Variants in RHPN2 observed in about 807,000 individuals in gnomAD.
The protein encoded by RHPN2 is rhophilin Rho GTPase binding protein 2.
A neutral mutation model predicts 79.0 loss-of-function variants in RHPN2; 40 were observed. The observed-to-expected ratio is 0.51, with a 90% CI of 0.39 to 0.66. The LOEUF (loss-of-function observed/expected upper bound fraction) is 0.66. RHPN2 is among the 30% of genes least tolerant of loss of function. The probability of loss-of-function intolerance (pLI) is 0.00; values close to 1 mark genes in which losing one functional copy is unlikely to be tolerated. For missense variants in RHPN2, 686 were observed against 883.5 expected, an observed-to-expected ratio of 0.78 and a Z score of 2.83; for synonymous variants, 285 against 363.5, an observed-to-expected ratio of 0.78 and a Z score of 2.46.
At chr19:32,983,410 G>A (rs1240343425) in intron 14 of RHPN2, among the ~76,000 whole-genome samples, 2 of 151,826 alleles carry the variant, frequency 1.3e-5, no homozygotes, top group Non-Finnish European at 2.9e-5. Context: ...TACTTGGGAG[G>A]CTGAGGCAGG....
intron 2 of RHPN2, 112 bp downstream of exon 2, chr19:33,044,137 A>C: frequency 1.3e-6 from 1 of 751,986 alleles, no homozygotes; most frequent in African/African-American, 1.8e-5. Context: ...GGACGACTCC[A>C]GATGCCAGAA....
chr19:33,054,284 C>A (rs1032697144), intron 1 of RHPN2, among the ~76,000 whole-genome samples: 5 of 150,808 alleles, frequency 3.3e-5, no homozygotes, highest in Non-Finnish European at 7.4e-5. Flanking sequence ...GACTGCAACC[C>A]CCACCTCCGA....
chr19:32,986,793 CAA>C (rs200201106), intron 14 of RHPN2, among the ~76,000 whole-genome samples: 45 of 90,158 alleles, frequency 5.0e-4, no homozygotes, highest in African/African-American at 8.7e-4. Context: ...GACTCTGTCT[CAA>C]AAAAAAAAAA....
At position 33,008,165 on chromosome 19, in the gene RHPN2, G is replaced by A. The variant is rs10410414; in HGVS notation, c.609C>T (p.Thr203=). 0.18 allele frequency: 288,811 copies of A among 1,613,180 alleles called. 27,329 individuals carry two copies. Among genetic ancestry groups the A allele is most frequent in the South Asian group, 0.28 (25,707 of 91,048 alleles). Residue 203 remains threonine, a synonymous_variant, in exon 7 of 15, where the codon ACC becomes ACT. Transcript: ENST00000254260. The part of the protein sequence containing the change: ...GLLFTWYDSL[T]GVPVSQQNLL... ...GGTTCTGCTGGCTGACCGGAACCCC[G>A]GTGAGAGAGTCATACCTATGTGAAA...
intron 2 of RHPN2, among the ~76,000 whole-genome samples, chr19:33,036,871 C>CG (rs1257546182): frequency 5.9e-5 from 7 of 118,500 alleles, no homozygotes; most frequent in African/African-American, 2.4e-4. Context: ...CATGCCTGAG[C>CG]CCCCCCGCCA....
At chr19:33,034,327 C>T (rs779235907) in intron 2 of RHPN2, among the ~76,000 whole-genome samples, 24 of 150,838 alleles carry the variant, frequency 1.6e-4, no homozygotes, top group African/African-American at 4.1e-4. Context: ...AAAAGTTGGC[C>T]GGGCGCGGTG....
chr19:32,997,679 C>CG (rs1971713737), intron 10 of RHPN2, among the ~76,000 whole-genome samples: 1 of 151,308 alleles, frequency 6.6e-6, no homozygotes, highest in African/African-American at 2.4e-5. Flanking sequence ...TTGGTACAGA[C>CG]GGGGTTTCTC....
chr19:33,036,203 T>C (rs1285384793), intron 2 of RHPN2, among the ~76,000 whole-genome samples: 1 of 149,724 alleles, frequency 6.7e-6, no homozygotes, highest in East Asian at 1.9e-4. Context: ...TTTTTTTTTT[T>C]GGTGACGGGA....
intron 1 of RHPN2, among the ~76,000 whole-genome samples, chr19:33,063,643 C>T (rs1288084249): frequency 6.6e-6 from 1 of 152,222 alleles, no homozygotes; most frequent in African/African-American, 2.4e-5. Context: ...CCATGACTCC[C>T]GGCTCCAAAG....
At chr19:33,047,014 C>T (rs141888660) in intron 1 of RHPN2, among the ~76,000 whole-genome samples, 28 of 152,210 alleles carry the variant, frequency 1.8e-4, no homozygotes, top group East Asian at 1.5e-3. Flanking sequence ...CATGCCACCA[C>T]GTCCGGCTAA....
chr19:33,059,001 A>C (rs774797258), intron 1 of RHPN2, among the ~76,000 whole-genome samples: 10 of 152,022 alleles, frequency 6.6e-5, no homozygotes, highest in Non-Finnish European at 1.0e-4. Flanking sequence ...TGGCTGAGGC[A>C]TGAGAATCGC....
intron 3 of RHPN2, among the ~76,000 whole-genome samples, chr19:33,025,857 G>A (rs1284793528): frequency 3.9e-5 from 6 of 152,194 alleles, no homozygotes; most frequent in Admixed American, 6.5e-5. Context: ...TAATGTTTGC[G>A]TGTCTATGAA....
intron 2 of RHPN2, chr19:33,026,994 C>G (rs570012425): frequency 1.2e-5 from 4 of 339,504 alleles, no homozygotes; most frequent in African/African-American, 4.3e-5. Flanking sequence ...TGGTGGCTTA[C>G]GTCTGTAATC....
chr19:33,016,948 G>A (rs368243799), intron 4 of RHPN2, among the ~76,000 whole-genome samples: 50 of 152,310 alleles, frequency 3.3e-4, no homozygotes, highest in Admixed American at 2.4e-3. Flanking sequence ...AGCCTGTGCC[G>A]AATGGCAGTT....
chr19:33,048,742 A>AAAAC (rs1972163785), intron 1 of RHPN2, among the ~76,000 whole-genome samples: 1 of 151,132 alleles, frequency 6.6e-6, no homozygotes, highest in Admixed American at 6.6e-5. Flanking sequence ...AAAAAAAAAA[A>AAAAC]AAACTTTAAT....
intron 4 of RHPN2, among the ~76,000 whole-genome samples, chr19:33,015,621 A>G (rs1370622794): frequency 1.3e-5 from 2 of 152,228 alleles, no homozygotes; most frequent in East Asian, 3.8e-4. Context: ...ATAAAACCCA[A>G]TAGCATCAAC....
At chr19:33,007,051 C>A (rs1381280844) in intron 7 of RHPN2, among the ~76,000 whole-genome samples, 1 of 151,366 alleles carries the variant, frequency 6.6e-6, no homozygotes, top group Non-Finnish European at 1.5e-5. Flanking sequence ...TCAAAATAAA[C>A]AAATAAATAA....
intron 10 of RHPN2, among the ~76,000 whole-genome samples, chr19:32,997,097 C>T (rs1014070160): frequency 1.3e-5 from 2 of 152,118 alleles, no homozygotes; most frequent in Non-Finnish European, 2.9e-5. Flanking sequence ...ATTATCATTG[C>T]TATGTTGCCC....
chr19:33,063,245 A>G (rs7254912), intron 1 of RHPN2, among the ~76,000 whole-genome samples: 82,621 of 151,728 alleles, frequency 0.54, 26,803 homozygotes, highest in African/African-American at 0.88. Flanking sequence ...TGACATCTTT[A>G]AACTTAAATA....
Sources: gnomAD v4.1 joint callset for allele counts (sites outside exome capture counted in the v4.1 genomes callset) on GRCh38, gnomAD v4.1.1 for gene constraint, MANE v1.5 for transcripts, NCBI Gene and HGNC (gene_info 2026-07-23, HGNC 2026-07-21) for gene names.